Variants in PIGN observed in about 807,000 individuals in gnomAD.
The protein encoded by PIGN is phosphatidylinositol glycan anchor biosynthesis class N.
Under a neutral mutation model 125.4 loss-of-function variants are expected in PIGN, and 117 were observed. That is an observed-to-expected ratio of 0.93 (90% CI 0.80 to 1.09). PIGN has a LOEUF of 1.09. Ranked by LOEUF, PIGN falls within the 50% of genes least tolerant of loss-of-function variation. The pLI is 0.00. For synonymous variants in PIGN, 392 were observed against 377.8 expected, an observed-to-expected ratio of 1.04 and a Z score of -0.44; for missense variants, 1,075 against 1,094.9, an observed-to-expected ratio of 0.98 and a Z score of 0.26.
rs118005495 is a variant in PIGN, at chr18:62,092,410, C to A, written c.2181-1832G>T. ...AAAAGAAAGTTCACACCCAATGGCC[C>A]AAATACACTATATGAGAAGTGAACA... On this transcript the variant is annotated intron_variant, in intron 23 of 30. Coordinates refer to ENST00000640252, the MANE Select transcript of PIGN (RefSeq NM_176787.5). Among the ~76,000 whole-genome samples the A allele has an allele frequency of 9.7e-3, 1,467 of 151,994 alleles. 47 individuals are homozygous for A. Among genetic ancestry groups the A allele is most frequent in the East Asian group, 0.069 (357 of 5,174 alleles).
intron 1 of PIGN, among the ~76,000 whole-genome samples, chr18:62,186,601 G>A (rs910523688): frequency 1.2e-4 from 19 of 152,308 alleles, no homozygotes; most frequent in African/African-American, 4.1e-4. Context: ...ACCACCTCCG[G>A]GGCTGAGAAG....
chr18:62,025,493 G>A (rs2030105907), intron 23 of PIGN, among the ~76,000 whole-genome samples: 1 of 152,130 alleles, frequency 6.6e-6, no homozygotes, highest in South Asian at 2.1e-4. Context: ...AATGAGAGAG[G>A]CAAATAGCAA....
At chr18:62,108,288 A>G (rs913631622) in intron 17 of PIGN, among the ~76,000 whole-genome samples, 4 of 152,176 alleles carry the variant, frequency 2.6e-5, no homozygotes, top group Non-Finnish European at 5.9e-5. Flanking sequence ...GACACAACAT[A>G]CTTTCAAAAT....
chr18:62,168,679 A>T (rs2037240562), intron 1 of PIGN, among the ~76,000 whole-genome samples: 1 of 152,132 alleles, frequency 6.6e-6, no homozygotes, highest in Non-Finnish European at 1.5e-5. Context: ...AATTTTGTGA[A>T]GTGATCCAAT....
At chr18:62,092,618 A>C (rs987885229) in intron 23 of PIGN, among the ~76,000 whole-genome samples, 1 of 152,126 alleles carries the variant, frequency 6.6e-6, no homozygotes, top group South Asian at 2.1e-4. Context: ...ATTAGAAAAA[A>C]AGATCCAAAA....
chr18:62,109,522 C>T (rs2034789759), intron 17 of PIGN, among the ~76,000 whole-genome samples: 1 of 152,116 alleles, frequency 6.6e-6, no homozygotes, highest in African/African-American at 2.4e-5. Flanking sequence ...GCAAGTTAGT[C>T]TAGGCATAGT....
intron 26 of PIGN, 50 bp from the exon 27 acceptor site, chr18:62,084,656 T>G: frequency 9.2e-7 from 1 of 1,090,770 alleles, no homozygotes. Flanking sequence ...TCTGTAACTT[T>G]AAAAGAATAT....
chr18:62,159,546 T>C (rs2036864056), intron 4 of PIGN, among the ~76,000 whole-genome samples: 1 of 152,252 alleles, frequency 6.6e-6, no homozygotes, highest in Admixed American at 6.5e-5. Flanking sequence ...GATTTTTGTG[T>C]ACTGTACTTA....
rs544456563 is a variant in PIGN at position 62,043,514 on chromosome 18, G to C, written c.*2342C>G. 6.6e-6 allele frequency: 1 copy of C among 152,230 alleles called. No homozygotes were observed. The highest frequency in any genetic ancestry group is 2.4e-5 in the African/African-American group (1 of 41,550). 9.4% of individuals were successfully genotyped at this position (152,230 alleles called of 1,614,324 possible). A position where few individuals can be genotyped will look rare whatever the true frequency, so the allele number is the denominator to read the frequency against. On this transcript the variant is annotated 3_prime_UTR_variant, in exon 31 of 31. Transcript: ENST00000640252. The stretch of plus-strand genomic sequence containing the variant: ...TTTCATGAGAAACCATATTATAATG[G>C]ATGAAGAGCTTTTCTAATTCAGCTC...
intron 7 of PIGN, among the ~76,000 whole-genome samples, chr18:62,153,228 G>A (rs1003722044): frequency 6.6e-6 from 1 of 152,130 alleles, no homozygotes; most frequent in African/African-American, 2.4e-5. Flanking sequence ...ACCCAGCACA[G>A]ATTAGAATTT....
At chr18:62,084,435 A>G in intron 27 of PIGN, 96 bp downstream of exon 27, 5 of 745,882 alleles carry the variant, frequency 6.7e-6, no homozygotes, top group Non-Finnish European at 1.1e-5. Context: ...CTCTGAAAGG[A>G]TATCTTCTTT....
At chr18:62,103,786 A>G (rs2034002659) in intron 20 of PIGN, 1 of 152,102 alleles carries the variant, frequency 6.6e-6, no homozygotes, top group African/African-American at 2.4e-5. Flanking sequence ...CTTCAAATAC[A>G]CTCTTTGAGA....
intron 23 of PIGN, among the ~76,000 whole-genome samples, chr18:62,024,987 T>A (rs780672984): frequency 2.0e-5 from 3 of 152,202 alleles, no homozygotes; most frequent in Non-Finnish European, 2.9e-5. Context: ...TGGGTACAAG[T>A]AGGAGAAACC....
chr18:62,045,682 A>AC lies in PIGN; in HGVS notation c.*173_*174insG. 1.8e-6 allele frequency: 1 copy of AC among 541,760 alleles called. No individual in the cohort carries two copies. Among genetic ancestry groups the AC allele is most frequent in the Non-Finnish European group, 3.1e-6 (1 of 324,980 alleles). The allele number at this position is 541,760 out of a possible 1,614,324, so 33.6% of individuals were successfully genotyped here. A position where few individuals can be genotyped will look rare whatever the true frequency, so the allele number is the denominator to read the frequency against. ...TTTCATGCCTGCAAAACCTAGAAAAAAAAAGAAGCTCCTTTGTTCCAGATA... is the reference window on the plus strand; with the variant it reads ...TTTCATGCCTGCAAAACCTAGAAAAACAAAAGAAGCTCCTTTGTTCCAGATA... On this transcript the variant is annotated 3_prime_UTR_variant, in exon 31 of 31. Coordinates refer to ENST00000640252, the MANE Select transcript of PIGN (RefSeq NM_176787.5).
At chr18:62,070,872 T>G (rs1303203955) in intron 30 of PIGN, among the ~76,000 whole-genome samples, 2 of 152,150 alleles carry the variant, frequency 1.3e-5, no homozygotes, top group Non-Finnish European at 2.9e-5. Context: ...GGCCCAGTCA[T>G]GGCTCACTAA....
At chr18:62,183,388 AC>A (rs2037785635) in intron 1 of PIGN, among the ~76,000 whole-genome samples, 1 of 151,850 alleles carries the variant, frequency 6.6e-6, no homozygotes, top group African/African-American at 2.4e-5. Context: ...ACTCCCCTTT[AC>A]TTTGTAACAT....
Position 62,042,367 on chromosome 18 carries a change from T to C in PIGN, c.*3489A>G, listed in dbSNP as rs2030411783. 6.6e-6 allele frequency: 1 copy of C among 152,138 alleles called. No homozygotes were observed. The highest frequency in any genetic ancestry group is 1.5e-5 in the Non-Finnish European group (1 of 68,000). The allele number at this position is 152,138 out of a possible 1,614,324, so 9.4% of individuals were successfully genotyped here. On this transcript the variant is annotated 3_prime_UTR_variant, in exon 31 of 31. Transcript: ENST00000640252. ...AAAAGAAACTATTTTTATTATGACA[T>C]TTATTTGTATTACAAGGAACCAATG... is the stretch of plus-strand genomic sequence containing the variant.
chr18:62,149,183 A>C (rs62096066), intron 7 of PIGN, among the ~76,000 whole-genome samples: 1 of 151,990 alleles, frequency 6.6e-6, no homozygotes, highest in Non-Finnish European at 1.5e-5. Context: ...TGAAGTATTT[A>C]AGTATTTTTT....
At chr18:62,110,625 G>T (rs2034838592) in intron 16 of PIGN, among the ~76,000 whole-genome samples, 1 of 151,956 alleles carries the variant, frequency 6.6e-6, no homozygotes, top group Non-Finnish European at 1.5e-5. Context: ...CAAAACTAAG[G>T]GTTCCCTAAA....
Sources: allele counts gnomAD v4.1 joint callset (sites outside exome capture counted in the v4.1 genomes callset), GRCh38; gene constraint gnomAD v4.1.1; transcripts MANE v1.5; gene names NCBI Gene and HGNC (gene_info 2026-07-23, HGNC 2026-07-21).